Variants in UFSP2 observed in about 807,000 individuals in gnomAD.
The protein encoded by UFSP2 is ufm1-specific protease 2.
UFSP2 carries 43 observed loss-of-function variants against 60.2 expected under a neutral mutation model. The observed-to-expected ratio is 0.71, with a 90% CI of 0.56 to 0.92. The LOEUF (loss-of-function observed/expected upper bound fraction) is 0.92, where lower values mean the gene tolerates loss of function less well. UFSP2 is among the 40% of genes least tolerant of loss of function. The pLI, the probability that UFSP2 is intolerant of heterozygous loss-of-function variation, is 0.00. For synonymous variants in UFSP2, 183 were observed against 195.1 expected (o/e 0.94, Z 0.52); for missense variants, 520 against 575.0 (o/e 0.90, Z 0.98).
Position 185,399,756 on chromosome 4 carries a change from T to C in UFSP2, c.*636A>G, listed in dbSNP as rs376936501. On this transcript the variant is annotated 3_prime_UTR_variant, in exon 12 of 12. Coordinates refer to ENST00000264689, the MANE Select transcript of UFSP2 (RefSeq NM_018359.5). Reference sequence around the variant, plus strand: ...GTCTCGGAAGTGTAGAAAATACCAGTGGGAAAAGGAAGTGCTGGTAAGTAA... The same window carrying C: ...GTCTCGGAAGTGTAGAAAATACCAGCGGGAAAAGGAAGTGCTGGTAAGTAA... 125 of 1,614,100 alleles carry C rather than the reference T, an allele frequency of 7.7e-5. 1 individual carries two copies. In the African/African-American group the frequency reaches 1.5e-3, roughly 19 times the overall value.
chr4:185,419,073 A>C (rs1159761576), intron 2 of UFSP2, among the ~76,000 whole-genome samples: 4 of 152,146 alleles, frequency 2.6e-5, no homozygotes, highest in Non-Finnish European at 5.9e-5. Flanking sequence ...ACCTACCAGC[A>C]GTCGTTTCTC....
At chr4:185,412,318 A>T (rs187031993) in intron 7 of UFSP2, among the ~76,000 whole-genome samples, 142 of 152,280 alleles carry the variant, frequency 9.3e-4, no homozygotes, top group Middle Eastern at 3.4e-3. Flanking sequence ...GGAACTTTCT[A>T]TGGAAGCTGG....
rs553394100 is a variant in UFSP2 at position 185,400,199 on chromosome 4, T to C, written c.*193A>G. The C allele has an allele frequency of 1.1e-4, 75 of 696,064 alleles. No individual in the cohort carries two copies. The highest frequency in any genetic ancestry group is 4.9e-4 in the Middle Eastern group (2 of 4,044). 43.1% of individuals were successfully genotyped at this position (696,064 alleles called of 1,614,324 possible). ...TTACATGCCTATAATATGCTGGTTG[T>C]GTATGCTTTGTCTTTTAAGTTATTA... On this transcript the variant is annotated 3_prime_UTR_variant, in exon 12 of 12. Transcript: ENST00000264689.
intron 5 of UFSP2, 59 bp from the exon 6 acceptor site, chr4:185,415,406 A>G: frequency 7.2e-7 from 1 of 1,390,418 alleles, no homozygotes; most frequent in South Asian, 1.5e-5. Flanking sequence ...AATAAAGAAA[A>G]GTACAGAGCT....
intron 5 of UFSP2, 57 bp from the exon 6 acceptor site, chr4:185,415,404 A>G: frequency 7.1e-7 from 1 of 1,401,516 alleles, no homozygotes; most frequent in Non-Finnish European, 9.5e-7. Context: ...ACAATAAAGA[A>G]AAGTACAGAG....
At chr4:185,403,216 C>T (rs1053986291) in intron 11 of UFSP2, among the ~76,000 whole-genome samples, 3 of 152,288 alleles carry the variant, frequency 2.0e-5, no homozygotes, top group African/African-American at 7.2e-5. Flanking sequence ...TTTATGAAAG[C>T]TCTAAAATCT....
chr4:185,405,654 A>C, intron 10 of UFSP2, 126 bp downstream of exon 10: 2 of 988,552 alleles, frequency 2.0e-6, no homozygotes, highest in Non-Finnish European at 3.0e-6. Context: ...AGATCCATAC[A>C]TATGGTGTAA....
intron 9 of UFSP2, 89 bp downstream of exon 9, chr4:185,407,847 A>G (rs1166560961): frequency 1.7e-5 from 23 of 1,360,268 alleles, no homozygotes; most frequent in Non-Finnish European, 2.2e-5. Context: ...AAAAGAAATA[A>G]GGGAAGATAC....
Position 185,418,568 on chromosome 4 carries a change from A to C in UFSP2, c.266+19T>G. On this transcript the variant is annotated intron_variant, in intron 3 of 11. Transcript: ENST00000264689. ...ATGATGTTTTGAAAACATTTCTAGA[A>C]ATCTTCAAACATACTCACTGAATAA... 2 of 1,611,502 alleles carry C rather than the reference A, an allele frequency of 1.2e-6. No individual in the cohort carries two copies. The highest frequency in any genetic ancestry group is 1.7e-6 in the Non-Finnish European group (2 of 1,179,284).
chr4:185,408,402 G>A lies in UFSP2; in HGVS notation c.865C>T (p.His289Tyr). The A allele has an allele frequency of 1.2e-6, 2 of 1,614,072 alleles. No homozygotes were observed. The highest frequency in any genetic ancestry group is 1.7e-6 in the Non-Finnish European group (2 of 1,180,004). Residue 289 changes from histidine to tyrosine, a missense_variant, in exon 8 of 12, where the codon CAT becomes TAT. Coordinates refer to ENST00000264689, the MANE Select transcript of UFSP2 (RefSeq NM_018359.5). ...YVVQGIYGYH[H>Y]YMQDRIDDNG... is the part of the protein sequence containing the mutation. ...TCATCTATGCGATCCTGCATATAAT[G>A]ATGATAGCCATATATGCCCTGGACC...
chr4:185,419,831 G>GT (rs2095546164), intron 2 of UFSP2, among the ~76,000 whole-genome samples: 1 of 152,062 alleles, frequency 6.6e-6, no homozygotes, highest in African/African-American at 2.4e-5. Flanking sequence ...ATGCACATTT[G>GT]TTTCCACTTT....
At chr4:185,416,844 C>A (rs2095539600) in intron 4 of UFSP2, among the ~76,000 whole-genome samples, 2 of 152,094 alleles carry the variant, frequency 1.3e-5, no homozygotes, top group African/African-American at 4.8e-5. Context: ...TAAACCACTG[C>A]ATAAAATAAG....
chr4:185,402,416 C>A (rs561019065), intron 11 of UFSP2: 2 of 411,952 alleles, frequency 4.9e-6, no homozygotes, highest in African/African-American at 2.1e-5. Flanking sequence ...AGTGTTTATA[C>A]CCTTATCATA....
chr4:185,412,007 T>C (rs761367619), intron 7 of UFSP2, among the ~76,000 whole-genome samples: 9 of 152,180 alleles, frequency 5.9e-5, no homozygotes, highest in Non-Finnish European at 1.3e-4. Context: ...CCCATAATAG[T>C]TCCTCCTGGA....
intron 2 of UFSP2, 74 bp from the exon 3 acceptor site, chr4:185,418,844 A>C: frequency 8.4e-7 from 1 of 1,189,350 alleles, no homozygotes; most frequent in Non-Finnish European, 1.1e-6. Context: ...ACATACACAA[A>C]AGTAGAGCAT....
At chr4:185,416,024 G>A in intron 4 of UFSP2, 157 bp from the exon 5 acceptor site, 1 of 533,282 alleles carries the variant, frequency 1.9e-6, no homozygotes, top group Non-Finnish European at 3.1e-6. Context: ...AGAGAACAAG[G>A]AGTTCAATCT....
In UFSP2 at chr4:185,399,861, G is replaced by A. The variant is rs1475776700; in HGVS notation, c.*531C>T. 13 of 1,564,542 alleles carry A rather than the reference G, an allele frequency of 8.3e-6. No homozygotes were observed. The East Asian group carries it at 1.1e-4, about 14-fold the overall frequency. On this transcript the variant is annotated 3_prime_UTR_variant, in exon 12 of 12. Transcript: ENST00000264689. ...ATTATTCCATTTAATACTGACACTCGTATTTCTAGTAGTATTGTTTCATTC... is the reference window on the plus strand; with the variant it reads ...ATTATTCCATTTAATACTGACACTCATATTTCTAGTAGTATTGTTTCATTC...
At chr4:185,403,966 C>A (rs1180302693) in intron 10 of UFSP2, among the ~76,000 whole-genome samples, 43 of 85,100 alleles carry the variant, frequency 5.1e-4, no homozygotes, top group Non-Finnish European at 5.6e-4. Context: ...GCAAGACTCT[C>A]AAAAAAAAAA....
chr4:185,401,549 G>A (rs1478574081), intron 11 of UFSP2, among the ~76,000 whole-genome samples: 2 of 152,162 alleles, frequency 1.3e-5, no homozygotes, highest in Non-Finnish European at 2.9e-5. Flanking sequence ...TCTTTCCTGT[G>A]AGATGACCAG....
Sources: allele counts gnomAD v4.1 joint callset (sites outside exome capture counted in the v4.1 genomes callset), GRCh38; gene constraint gnomAD v4.1.1; transcripts MANE v1.5; gene names NCBI Gene and HGNC (gene_info 2026-07-23, HGNC 2026-07-21).